Variants in MOV10 observed in about 807,000 individuals in gnomAD.
The protein encoded by MOV10 is Mov10 RNA helicase.
MOV10 carries 39 observed loss-of-function variants against 108.4 expected under a neutral mutation model. The ratio of observed to expected loss-of-function variants is 0.36; its 90% CI spans 0.28 to 0.47. MOV10 has a LOEUF of 0.47. Ranked by LOEUF, MOV10 falls within the 20% of genes least tolerant of loss-of-function variation. MOV10 has a pLI of 1.00. For synonymous variants in MOV10, 490 were observed against 523.1 expected (o/e 0.94, Z 0.86); for missense variants, 952 against 1,297.6 (o/e 0.73, Z 4.09).
chr1:112,699,635 C>T (rs1349936595), intron 17 of MOV10, 50 bp from the exon 18 acceptor site: 1 of 1,611,680 alleles, frequency 6.2e-7, no homozygotes, highest in Non-Finnish European at 8.5e-7. Flanking sequence ...GGGTAGGGCA[C>T]CCCTTTGACA....
At chr1:112,690,530 T>C (rs1444114333) in intron 5 of MOV10, among the ~76,000 whole-genome samples, 1 of 152,120 alleles carries the variant, frequency 6.6e-6, no homozygotes, top group Non-Finnish European at 1.5e-5. Flanking sequence ...CGGCTAATTT[T>C]TGTATTTTTA....
rs751671796 is a variant in MOV10, at chr1:112,698,323, G to A, written c.2353G>A (p.Asp785Asn). The change falls in exon 16 of 21, where the codon GAT becomes AAT. Residue 785 changes from aspartate to asparagine, a missense_variant. By Grantham distance (23) the Asp-to-Asn change is conservative (BLOSUM62 1). This residue lies in a region of MOV10 where 453 missense variants were observed against 611.5 expected (regional missense o/e 0.74). Transcript: ENST00000369645. ...CATCTTTCACGGCGTAATGGGCAAAGATGAGCGTGAAGGCAACAGCCCATC... is the reference window on the plus strand; with the variant it reads ...CATCTTTCACGGCGTAATGGGCAAAAATGAGCGTGAAGGCAACAGCCCATC... ...PIIFHGVMGK[D>N]EREGNSPSFF... 2 of 1,614,214 alleles carry A rather than the reference G, an allele frequency of 1.2e-6. No homozygotes were observed. The highest frequency in any genetic ancestry group is 8.5e-7 in the Non-Finnish European group (1 of 1,180,022).
intron 14 of MOV10, 115 bp downstream of exon 14, chr1:112,696,961 C>G: frequency 1.2e-6 from 1 of 867,736 alleles, no homozygotes; most frequent in Non-Finnish European, 1.8e-6. Flanking sequence ...TTGTGTGATG[C>G]AGAAAGACTA....
chr1:112,698,902 C>G, intron 17 of MOV10, 113 bp downstream of exon 17: 4 of 884,920 alleles, frequency 4.5e-6, no homozygotes, highest in Non-Finnish European at 7.6e-6. Flanking sequence ...ACCCCTGCTG[C>G]CTTGAATAGA....
Position 112,698,745 on chromosome 1 carries a change from C to G in MOV10, c.2539C>G (p.Leu847Val). Residue 847 changes from leucine to valine, a missense_variant, in exon 17 of 21, where the codon CTT (leucine) becomes GTT (valine). Transcript: ENST00000369645. ...VEKIRYCITK[L>V]DRELRGLDDI... Reference sequence around the variant, plus strand: ...GAAAATCCGTTACTGCATCACCAAACTTGACAGGGAGCTTCGAGGACTGGA... The same window carrying G: ...GAAAATCCGTTACTGCATCACCAAAGTTGACAGGGAGCTTCGAGGACTGGA... 2 of 1,614,198 alleles carry G rather than the reference C, an allele frequency of 1.2e-6. No individual in the cohort carries two copies. Among genetic ancestry groups the G allele is most frequent in the East Asian group, 2.2e-5 (1 of 44,880 alleles).
At chr1:112,678,627 G>A (rs545170994) in intron 2 of MOV10, among the ~76,000 whole-genome samples, 46 of 152,104 alleles carry the variant, frequency 3.0e-4, no homozygotes, top group African/African-American at 6.8e-4. Flanking sequence ...AAGGATTAAT[G>A]GGACTTAGAA....
chr1:112,691,623 A>C (rs770247946), intron 5 of MOV10, 42 bp from the exon 6 acceptor site: 7 of 1,601,596 alleles, frequency 4.4e-6, no homozygotes, highest in Non-Finnish European at 5.1e-6. Context: ...AGAGTGTTGG[A>C]GGGTGAGGGG....
chr1:112,693,798 C>A (rs1435822199), intron 7 of MOV10: 1 of 450,066 alleles, frequency 2.2e-6, no homozygotes, highest in East Asian at 3.7e-5. Flanking sequence ...TTCCTGGGCT[C>A]GGCATCTCTG....
intron 14 of MOV10, among the ~76,000 whole-genome samples, chr1:112,697,384 C>T (rs1468606988): frequency 1.3e-5 from 2 of 152,140 alleles, no homozygotes; most frequent in Admixed American, 1.3e-4. Flanking sequence ...GCAGGATAAT[C>T]GCTTGTACCC....
rs1333998170 is a variant in MOV10, at chr1:112,677,319, G to C, written c.137+2270G>C. Reference sequence around the variant, plus strand: ...ATTGCACTCCTGTGTCACTCCAGAAGACAGAAGCGGGTTTCATCAACTATC... The same window carrying C: ...ATTGCACTCCTGTGTCACTCCAGAACACAGAAGCGGGTTTCATCAACTATC... On this transcript the variant is annotated intron_variant, in intron 2 of 20. Coordinates refer to ENST00000369645, the MANE Select transcript of MOV10 (RefSeq NM_001321324.2). Among the ~76,000 whole-genome samples, 4 of 152,200 alleles carry C rather than the reference G, an allele frequency of 2.6e-5. No homozygotes were observed. The South Asian group carries it at 6.2e-4, about 24-fold the overall frequency.
chr1:112,696,479 C>G lies in MOV10; in HGVS notation c.1926C>G (p.Ile642Met), dbSNP rs376937553. The change falls in exon 13 of 21, where the codon ATC becomes ATG. Residue 642 changes from isoleucine (I) to methionine (M), a missense_variant. Ile to Met is a conservative substitution (Grantham distance 10). This residue lies in a region of MOV10 where 453 missense variants were observed against 611.5 expected (regional missense o/e 0.74). Coordinates refer to ENST00000369645, the MANE Select transcript of MOV10 (RefSeq NM_001321324.2). ...AQFPIDHFTH[I>M]FIDEAGHCME... ...TTCCCATTGATCACTTCACACACATCTTCATCGATGAGGCTGGCCACTGCA... is the reference window on the plus strand; with the variant it reads ...TTCCCATTGATCACTTCACACACATGTTCATCGATGAGGCTGGCCACTGCA... The G allele has an allele frequency of 1.2e-6, 2 of 1,614,066 alleles. No homozygotes were observed. The highest frequency in any genetic ancestry group is 1.7e-6 in the Non-Finnish European group (2 of 1,180,028).
chr1:112,688,786 AGTCTCTCT>A, intron 2 of MOV10, 141 bp from the exon 3 acceptor site: 1 of 1,476,728 alleles, frequency 6.8e-7, no homozygotes, highest in South Asian at 1.4e-5. Context: ...CCCCAGCCTG[AGTCTCTCT>A]GTCTCTGGGC....
intron 11 of MOV10, 108 bp from the exon 12 acceptor site, chr1:112,696,040 A>G (rs1674047428): frequency 1.3e-6 from 1 of 778,868 alleles, no homozygotes; most frequent in Non-Finnish European, 2.1e-6. Flanking sequence ...ACTCCGTCTC[A>G]ATTAAAAAAA....
chr1:112,689,377 T>TTGCC, intron 3 of MOV10, 38 bp from the exon 4 acceptor site: 2 of 792,814 alleles, frequency 2.5e-6, no homozygotes, highest in East Asian at 2.7e-5. Flanking sequence ...GTCAGACCGC[T>TTGCC]CCCACCCCAA....
In MOV10 at chr1:112,688,359, AGGATCCTTTCCCTTCC is replaced by A. The variant is rs1054293969; in HGVS notation, c.138-575_138-560del. 54 of 990,084 alleles carry A rather than the reference AGGATCCTTTCCCTTCC, an allele frequency of 5.5e-5. No homozygotes were observed. In the African/African-American group the frequency reaches 8.9e-4, roughly 16 times the overall value. 61.3% of individuals were successfully genotyped at this position (990,084 alleles called of 1,614,324 possible). On this transcript the variant is annotated intron_variant, in intron 2 of 20. Transcript: ENST00000369645. ...AGCCAGGCTATTTGATCTCTGGAGA[AGGATCCTTTCCCTTCC>A]TGCTTGGGTTCCACCTGCACCCTAT...
At chr1:112,690,344 ATC>A (rs1318443901) in intron 5 of MOV10, among the ~76,000 whole-genome samples, 3 of 152,160 alleles carry the variant, frequency 2.0e-5, no homozygotes, top group African/African-American at 7.2e-5. Context: ...CATTGTAGAC[ATC>A]TCTGTTTTGT....
chr1:112,688,780 A>C, intron 2 of MOV10, 155 bp from the exon 3 acceptor site: 1 of 1,467,198 alleles, frequency 6.8e-7, no homozygotes, highest in Middle Eastern at 2.5e-4. Flanking sequence ...TCCGATCCCC[A>C]GCCTGAGTCT....
Position 112,690,106 on chromosome 1 carries a change from C to G in MOV10, c.836+8C>G. 6.2e-7 allele frequency: 1 copy of G among 1,611,250 alleles called. No homozygotes were observed. Among genetic ancestry groups the G allele is most frequent in the Non-Finnish European group, 8.5e-7 (1 of 1,178,246 alleles). ...AGGAGAGAGACCTGACCGGTAACTC[C>G]TCCCTCCAACTCAGCCCTGGCTGGG... On this transcript the variant is annotated splice_region_variant and intron_variant, in intron 5 of 20. Coordinates refer to ENST00000369645, the MANE Select transcript of MOV10 (RefSeq NM_001321324.2).
chr1:112,680,439 G>A (rs915189678), intron 2 of MOV10, among the ~76,000 whole-genome samples: 1 of 151,704 alleles, frequency 6.6e-6, no homozygotes, highest in African/African-American at 2.4e-5. Context: ...GGCGGATCAC[G>A]AGGTCAGGAG....
Sources: allele counts gnomAD v4.1 joint callset (sites outside exome capture counted in the v4.1 genomes callset), GRCh38; gene constraint gnomAD v4.1.1; regional missense constraint gnomAD v4.1.1; transcripts MANE v1.5; gene names NCBI Gene and HGNC (gene_info 2026-07-23, HGNC 2026-07-21).